The following KIFC3 variants were observed in gnomAD, a reference collection of about 807,000 sequenced individuals.
The protein encoded by KIFC3 is kinesin family member C3, also known as kinesin-like protein KIFC3.
A neutral mutation model predicts 101.8 loss-of-function variants in KIFC3; 60 were observed. The ratio of observed to expected loss-of-function variants is 0.59; its 90% CI spans 0.48 to 0.73. The LOEUF is 0.73. KIFC3 is among the 30% of genes least tolerant of loss of function. The probability of loss-of-function intolerance (pLI) is 0.00; values close to 1 mark genes in which losing one functional copy is unlikely to be tolerated. For missense variants in KIFC3, 966 were observed against 1,137.1 expected (o/e 0.85, Z 2.16); for synonymous variants, 476 against 482.7 (o/e 0.99, Z 0.18).
intron 1 of KIFC3, among the ~76,000 whole-genome samples, chr16:57,839,546 G>GATA (rs1164858109): frequency 1.3e-5 from 2 of 151,886 alleles, no homozygotes; most frequent in Non-Finnish European, 1.5e-5. Flanking sequence ...TCTCAATAAT[G>GATA]ATAATAATAA....
intron 1 of KIFC3, chr16:57,815,422 A>G (rs1409736766): frequency 8.5e-7 from 1 of 1,179,798 alleles, no homozygotes; most frequent in Non-Finnish European, 1.1e-6. Context: ...CGTGTTTTCT[A>G]GGATCCCCTC....
intron 1 of KIFC3, among the ~76,000 whole-genome samples, chr16:57,808,586 AAG>A (rs374744837): frequency 1.3e-5 from 2 of 151,610 alleles, no homozygotes; most frequent in African/African-American, 4.8e-5. Context: ...AATAGAAACC[AAG>A]AGAGAGAGGA....
At position 57,760,836 on chromosome 16, in the gene KIFC3, T is replaced by C; in HGVS notation, c.2122A>G (p.Ile708Val). 6.2e-7 allele frequency: 1 copy of C among 1,613,340 alleles called. No individual in the cohort carries two copies. Among genetic ancestry groups the C allele is most frequent in the African/African-American group, 1.3e-5 (1 of 75,040 alleles). ...CCCTGGCGGGAGCGCAGGGCAGCAA[T>C]GACGTCCCCCAGAGCCGACAGCGAC... is the stretch of plus-strand genomic sequence containing the variant. ...NKSLSALGDV[I>V]AALRSRQGHV... is the part of the protein sequence containing the mutation. The change falls in exon 16 of 20, where the codon ATT becomes GTT. Residue 708 changes from isoleucine (I) to valine (V), a missense_variant. This residue lies in a region of KIFC3 where 689 missense variants were observed against 884.6 expected (regional missense o/e 0.78). Coordinates refer to ENST00000445690, the MANE Select transcript of KIFC3 (RefSeq NM_001130100.2).
At chr16:57,860,092 T>TAAAATAAAAA (rs1555485107) in intron 1 of KIFC3, among the ~76,000 whole-genome samples, 10 of 127,340 alleles carry the variant, frequency 7.9e-5, no homozygotes, top group Admixed American at 1.6e-4. Flanking sequence ...TAAAATAAAA[T>TAAAATAAAAA]AAAAACAAGT....
intron 1 of KIFC3, among the ~76,000 whole-genome samples, chr16:57,832,043 CAG>C (rs2055590799): frequency 6.6e-6 from 1 of 151,896 alleles, no homozygotes; most frequent in Non-Finnish European, 1.5e-5. Context: ...TTTTTTAAGA[CAG>C]AGTCTCGTTC....
At chr16:57,808,432 C>T (rs1021567190) in intron 1 of KIFC3, among the ~76,000 whole-genome samples, 66 of 152,184 alleles carry the variant, frequency 4.3e-4, no homozygotes, top group African/African-American at 1.3e-3. Context: ...ATTGTTATAG[C>T]TCCGGGTTCT....
At chr16:57,834,117 T>C (rs1233629835) in intron 1 of KIFC3, among the ~76,000 whole-genome samples, 2 of 152,150 alleles carry the variant, frequency 1.3e-5, no homozygotes, top group African/African-American at 4.8e-5. Flanking sequence ...CCGCTCGGCC[T>C]CCCAAAGTGC....
At chr16:57,793,643 A>C (rs2054068323) in intron 3 of KIFC3, among the ~76,000 whole-genome samples, 1 of 151,442 alleles carries the variant, frequency 6.6e-6, no homozygotes, top group Admixed American at 6.6e-5. Context: ...CAACATGGTG[A>C]AATGGTGAAA....
chr16:57,762,504 T>C (rs1449930605), intron 12 of KIFC3, among the ~76,000 whole-genome samples: 3 of 152,178 alleles, frequency 2.0e-5, no homozygotes, highest in Admixed American at 2.0e-4. Flanking sequence ...AGACTTATAG[T>C]GCAGCACTGG....
intron 1 of KIFC3, among the ~76,000 whole-genome samples, chr16:57,855,379 C>A (rs2056145670): frequency 1.3e-5 from 2 of 151,744 alleles, no homozygotes; most frequent in Non-Finnish European, 2.9e-5. Context: ...CCCGCCTTGG[C>A]CTCTCAAAAT....
At position 57,772,259 on chromosome 16, in the gene KIFC3, G is replaced by C; in HGVS notation, c.345C>G (p.Ser115Arg). 1 of 1,613,784 alleles carries C rather than the reference G, an allele frequency of 6.2e-7. No individual in the cohort carries two copies. Among genetic ancestry groups the C allele is most frequent in the Non-Finnish European group, 8.5e-7 (1 of 1,179,858 alleles). ...QVEHLKEKLI[S>R]QAQEVSRLRS... The stretch of plus-strand genomic sequence containing the variant: ...GCAGTCGGCTCACTTCCTGGGCCTG[G>C]CTAATGAGCTTCTCCTTCAGGTGTT... Residue 115 changes from serine (S) to arginine (R), a missense_variant, in exon 4 of 20, where the codon AGC becomes AGG. Coordinates refer to ENST00000445690, the MANE Select transcript of KIFC3 (RefSeq NM_001130100.2).
chr16:57,838,872 G>T (rs1417023650), intron 1 of KIFC3, among the ~76,000 whole-genome samples: 1 of 152,094 alleles, frequency 6.6e-6, no homozygotes, highest in Non-Finnish European at 1.5e-5. Flanking sequence ...AAAAGGCACC[G>T]CCATGTGTAG....
intron 1 of KIFC3, among the ~76,000 whole-genome samples, chr16:57,809,440 G>A (rs370139305): frequency 5.9e-5 from 9 of 152,304 alleles, no homozygotes; most frequent in African/African-American, 1.9e-4. Flanking sequence ...AACTACAGCT[G>A]TGAGCCACTG....
At chr16:57,833,424 C>T (rs1336927986) in intron 1 of KIFC3, among the ~76,000 whole-genome samples, 1 of 152,172 alleles carries the variant, frequency 6.6e-6, no homozygotes, top group African/African-American at 2.4e-5. Flanking sequence ...ATGTGGATCT[C>T]AGCACCCAAG....
At chr16:57,789,993 T>C (rs1206312732) in intron 3 of KIFC3, among the ~76,000 whole-genome samples, 1 of 151,946 alleles carries the variant, frequency 6.6e-6, no homozygotes, top group Non-Finnish European at 1.5e-5. Context: ...TGCCTCGACC[T>C]CTCAAAGTGC....
In KIFC3 at chr16:57,795,161, T is replaced by C. The variant is rs1381764424; in HGVS notation, c.173-20A>G. 3.1e-6 allele frequency: 5 copies of C among 1,602,318 alleles called. No individual in the cohort carries two copies. Among genetic ancestry groups the C allele is most frequent in the South Asian group, 1.1e-5 (1 of 89,430 alleles). ...CACGCCCTGTCCCAGGACAGAGAGA[T>C]AGGTGAGACACTCCGACCACTGGCC... On this transcript the variant is annotated intron_variant, in intron 2 of 19. Coordinates refer to ENST00000445690, the MANE Select transcript of KIFC3 (RefSeq NM_001130100.2).
At chr16:57,759,036 G>A in intron 19 of KIFC3, 89 bp downstream of exon 19, 5 of 1,541,608 alleles carry the variant, frequency 3.2e-6, no homozygotes, top group Non-Finnish European at 4.4e-6. Flanking sequence ...GCTAGACCCA[G>A]CTCTGAACAG....
At chr16:57,767,917 C>G (rs557071035) in intron 9 of KIFC3, among the ~76,000 whole-genome samples, 2 of 152,270 alleles carry the variant, frequency 1.3e-5, no homozygotes, top group South Asian at 2.1e-4. Context: ...CTCAAGTGCT[C>G]CTCCTGCCTC....
intron 3 of KIFC3, chr16:57,773,701 A>G (rs1206213193): frequency 6.6e-6 from 1 of 152,236 alleles, no homozygotes; most frequent in African/African-American, 2.4e-5. Context: ...AGCACTCAGC[A>G]GCATGCATCA....
Sources: gnomAD v4.1 joint callset for allele counts (sites outside exome capture counted in the v4.1 genomes callset) on GRCh38, gnomAD v4.1.1 for gene constraint, gnomAD v4.1.1 regional missense constraint, MANE v1.5 for transcripts, NCBI Gene and HGNC (gene_info 2026-07-23, HGNC 2026-07-21) for gene names.